The following ZNF420 variants were observed in gnomAD, a reference collection of about 807,000 sequenced individuals.
The protein encoded by ZNF420 is zinc finger protein 420.
A neutral mutation model predicts 44.7 loss-of-function variants in ZNF420; 31 were observed. That is an observed-to-expected ratio of 0.69 (90% confidence interval 0.52 to 0.94). The LOEUF (loss-of-function observed/expected upper bound fraction) is 0.94. Among genes scored for constraint, ZNF420 ranks in the 40% least tolerant of loss-of-function variants. The pLI is 0.00. For missense variants in ZNF420, 681 were observed against 827.9 expected (o/e 0.82, Z 2.18); for synonymous variants, 245 against 267.4 (o/e 0.92, Z 0.82).
chr19:37,009,497 C>T (rs569238259), intron 1 of ZNF420, among the ~76,000 whole-genome samples: 1 of 152,296 alleles, frequency 6.6e-6, no homozygotes, highest in Non-Finnish European at 1.5e-5. Context: ...ACACACTCAC[C>T]CCATCTGCTC....
In ZNF420 at chr19:37,128,593, T is replaced by C. The variant is rs1398172931; in HGVS notation, c.1602T>C (p.Asn534=). 13 of 1,611,480 alleles carry C rather than the reference T, an allele frequency of 8.1e-6. No homozygotes were observed. The highest frequency in any genetic ancestry group is 1.1e-5 in the South Asian group (1 of 90,920). The change falls in exon 5 of 5, where the codon AAT becomes AAC. Residue 534 remains asparagine (N), a synonymous_variant. Transcript: ENST00000337995. ...LHTGEKPYVC[N]ECGKAFARGL... is the part of the protein sequence containing the mutation. The stretch of plus-strand genomic sequence containing the variant: ...CTGGTGAGAAACCCTATGTGTGTAA[T>C]GAATGTGGAAAGGCCTTTGCGCGTG...
intron 1 of ZNF420, chr19:37,025,316 G>C (rs553714297): frequency 4.7e-6 from 1 of 214,562 alleles, no homozygotes; most frequent in Admixed American, 5.0e-5. Flanking sequence ...TAAGGAAAGG[G>C]GTATTTTCTT....
chr19:37,096,161 T>G (rs1212629875), intron 4 of ZNF420: 1 of 152,224 alleles, frequency 6.6e-6, no homozygotes, highest in Non-Finnish European at 1.5e-5. Context: ...ATTTTTTTCT[T>G]TAAGATTTAA....
intron 2 of ZNF420, among the ~76,000 whole-genome samples, chr19:37,086,989 T>G (rs1223957437): frequency 6.6e-6 from 1 of 152,110 alleles, no homozygotes; most frequent in Non-Finnish European, 1.5e-5. Flanking sequence ...ATGTGGCTCT[T>G]AAGAAGAGCT....
At chr19:37,074,466 C>T (rs1402397907), upstream of ZNF420, among the ~76,000 whole-genome samples, 1 of 151,886 alleles carries the variant, frequency 6.6e-6, no homozygotes, top group Admixed American at 6.6e-5. Flanking sequence ...TCATGAAATA[C>T]AAAAACAGGC....
At chr19:37,097,631 C>G (rs1411681554) in intron 4 of ZNF420, among the ~76,000 whole-genome samples, 1 of 152,028 alleles carries the variant, frequency 6.6e-6, no homozygotes, top group East Asian at 1.9e-4. Context: ...AATAAAAGGT[C>G]TTAGAATATA....
chr19:37,038,993 A>AG (rs113481658), intron 1 of ZNF420, among the ~76,000 whole-genome samples: 18 of 152,004 alleles, frequency 1.2e-4, no homozygotes, highest in South Asian at 4.2e-4. Flanking sequence ...TCTCAAAAAA[A>AG]AAAAGAAAAG....
chr19:37,112,800 C>T (rs545347506), intron 4 of ZNF420, among the ~76,000 whole-genome samples: 2 of 152,290 alleles, frequency 1.3e-5, no homozygotes, highest in South Asian at 4.1e-4. Flanking sequence ...CTGAATCAAC[C>T]ACACCAGTAT....
intron 1 of ZNF420, among the ~76,000 whole-genome samples, chr19:37,010,505 G>C (rs939013534): frequency 6.6e-6 from 1 of 151,932 alleles, no homozygotes. Flanking sequence ...CTCTATGTCT[G>C]TGTGTGTGTG....
At chr19:37,127,073 G>T in intron 4 of ZNF420, 55 bp from the exon 5 acceptor site, 1 of 1,373,276 alleles carries the variant, frequency 7.3e-7, no homozygotes, top group Non-Finnish European at 9.6e-7. Context: ...CCTATTATTT[G>T]TCTTTTCTAT....
intron 1 of ZNF420, among the ~76,000 whole-genome samples, chr19:37,050,821 G>C (rs188729576): frequency 1.5e-3 from 230 of 152,266 alleles, no homozygotes; most frequent in Middle Eastern, 3.4e-3. Context: ...TCCAGTTTTT[G>C]TCCATTCAGT....
rs577974965 is a variant in ZNF420 at position 37,083,661 on chromosome 19, A to G, written c.-81+3273A>G. Among the ~76,000 whole-genome samples, 13 of 152,212 alleles carry G rather than the reference A, an allele frequency of 8.5e-5. No homozygotes were observed. In the East Asian group the frequency reaches 2.5e-3, roughly 29 times the overall value. ...TTTGGATTCCTTTTTATTCTTTTTG[A>G]CATGACCCCAGTAGTCTTTGGCAGA... On this transcript the variant is annotated intron_variant, in intron 2 of 4. Coordinates refer to ENST00000337995, the MANE Select transcript of ZNF420 (RefSeq NM_144689.5).
intron 1 of ZNF420, among the ~76,000 whole-genome samples, chr19:37,034,062 ATT>A (rs1217488745): frequency 2.9e-5 from 4 of 137,556 alleles, no homozygotes; most frequent in Non-Finnish European, 4.8e-5. Flanking sequence ...CCTATGTTCC[ATT>A]TTTTTTTTTT....
At chr19:37,043,876 G>C (rs1398828059) in intron 1 of ZNF420, among the ~76,000 whole-genome samples, 4 of 152,158 alleles carry the variant, frequency 2.6e-5, no homozygotes, top group African/African-American at 9.7e-5. Context: ...TATGGAAAAT[G>C]AACAAGGAAG....
At chr19:37,017,146 A>G (rs2074614328) in intron 1 of ZNF420, among the ~76,000 whole-genome samples, 2 of 152,232 alleles carry the variant, frequency 1.3e-5, no homozygotes, top group Non-Finnish European at 2.9e-5. Context: ...TAGCCATTCT[A>G]GCAAATGATG....
intron 4 of ZNF420, among the ~76,000 whole-genome samples, chr19:37,120,464 G>A (rs1258068120): frequency 6.6e-6 from 1 of 151,998 alleles, no homozygotes; most frequent in Non-Finnish European, 1.5e-5. Context: ...GGTATTGATG[G>A]GATGTATCTC....
chr19:37,018,718 C>G (rs1482077874), intron 1 of ZNF420, among the ~76,000 whole-genome samples: 1 of 152,052 alleles, frequency 6.6e-6, no homozygotes, highest in Non-Finnish European at 1.5e-5. Flanking sequence ...TAGGTGTGCA[C>G]CACCATGCCC....
chr19:37,117,118 G>T (rs1970736815), intron 4 of ZNF420, among the ~76,000 whole-genome samples: 1 of 152,184 alleles, frequency 6.6e-6, no homozygotes. Flanking sequence ...GGTTCTCCCA[G>T]CACGCAGCTG....
At chr19:37,072,300 G>A (rs1968070921) in intron 1 of ZNF420, among the ~76,000 whole-genome samples, 1 of 152,150 alleles carries the variant, frequency 6.6e-6, no homozygotes, top group Non-Finnish European at 1.5e-5. Flanking sequence ...GGTTGTCAGG[G>A]AAGCAAGGCC....
Sources: allele counts gnomAD v4.1 joint callset (sites outside exome capture counted in the v4.1 genomes callset), GRCh38; gene constraint gnomAD v4.1.1; transcripts MANE v1.5; gene names NCBI Gene and HGNC (gene_info 2026-07-23, HGNC 2026-07-21).